Variants in LOC128125817 observed in about 807,000 individuals in gnomAD.
the LOC128125817 span, among the ~76,000 whole-genome samples, chr1:41,625,963 T>C: frequency 0.43 from 66,079 of 152,118 alleles, 14,904 homozygotes; most frequent in Non-Finnish European, 0.5. Context: ...CTATAAAAGT[T>C]TGAAAACTGC....
At chr1:41,621,350 A>G in the LOC128125817 span, among the ~76,000 whole-genome samples, 1 of 152,200 alleles carries the variant, frequency 6.6e-6, no homozygotes, top group South Asian at 2.1e-4. Context: ...CTCACAGGAT[A>G]AAGTCTAAGC....
At chr1:41,597,802 A>G in the LOC128125817 span, among the ~76,000 whole-genome samples, 2 of 152,202 alleles carry the variant, frequency 1.3e-5, no homozygotes, top group Non-Finnish European at 2.9e-5. Context: ...CTGGAAAAGT[A>G]TCGACAGTGT....
At chr1:41,626,375 G>T in the LOC128125817 span, among the ~76,000 whole-genome samples, 1 of 152,222 alleles carries the variant, frequency 6.6e-6, no homozygotes, top group African/African-American at 2.4e-5. Context: ...ACAGGCAGAG[G>T]CAGGAGCCAG....
the LOC128125817 span, among the ~76,000 whole-genome samples, chr1:41,607,683 T>C: frequency 2.6e-5 from 4 of 152,346 alleles, no homozygotes; most frequent in African/African-American, 9.6e-5. Flanking sequence ...CCAATATATT[T>C]ATGAATGAGG....
the LOC128125817 span, among the ~76,000 whole-genome samples, chr1:41,600,877 G>A: frequency 6.6e-6 from 1 of 152,020 alleles, no homozygotes; most frequent in Non-Finnish European, 1.5e-5. Context: ...TTACATCCAA[G>A]TCTTTAATCC....
chr1:41,618,322 A>G, the LOC128125817 span, among the ~76,000 whole-genome samples: 21 of 152,230 alleles, frequency 1.4e-4, no homozygotes, highest in Non-Finnish European at 2.6e-4. Context: ...CCAGGCCAGG[A>G]GCCAAGCCTT....
chr1:41,598,992 C>A, the LOC128125817 span, among the ~76,000 whole-genome samples: 2 of 151,712 alleles, frequency 1.3e-5, no homozygotes, highest in Non-Finnish European at 2.9e-5. Flanking sequence ...ATTTTTATAT[C>A]TTTTTTTAGA....
At chr1:41,622,393 G>C in the LOC128125817 span, among the ~76,000 whole-genome samples, 9 of 152,188 alleles carry the variant, frequency 5.9e-5, no homozygotes, top group South Asian at 2.1e-4. Context: ...GAGCAGGGGT[G>C]GGGGAGGAAG....
chr1:41,608,917 CAA>C, the LOC128125817 span, among the ~76,000 whole-genome samples: 224 of 123,494 alleles, frequency 1.8e-3, no homozygotes, highest in African/African-American at 6.0e-3. Flanking sequence ...CTAAAAATAC[CAA>C]AAAAAAAAAA....
At chr1:41,600,453 C>A in the LOC128125817 span, among the ~76,000 whole-genome samples, 4 of 152,092 alleles carry the variant, frequency 2.6e-5, no homozygotes, top group Non-Finnish European at 5.9e-5. Flanking sequence ...GATAAGCCAG[C>A]CACAAATGAA....
chr1:41,622,730 G>A, the LOC128125817 span, among the ~76,000 whole-genome samples: 174 of 152,310 alleles, frequency 1.1e-3, no homozygotes, highest in African/African-American at 4.1e-3. Context: ...TGTGTTTCAC[G>A]TTTCTATCAC....
At chr1:41,605,375 G>GCACACACA in the LOC128125817 span, among the ~76,000 whole-genome samples, 2 of 126,620 alleles carry the variant, frequency 1.6e-5, no homozygotes, top group African/African-American at 6.0e-5. Flanking sequence ...ACGCACACGC[G>GCACACACA]CACACACACA....
chr1:41,610,905 C>T, the LOC128125817 span, among the ~76,000 whole-genome samples: 1 of 152,188 alleles, frequency 6.6e-6, no homozygotes, highest in African/African-American at 2.4e-5. Flanking sequence ...TGAGACCCCC[C>T]AAGCTCCCAC....
At chr1:41,613,518 T>A in the LOC128125817 span, among the ~76,000 whole-genome samples, 1 of 152,238 alleles carries the variant, frequency 6.6e-6, no homozygotes, top group African/African-American at 2.4e-5. Flanking sequence ...AATAAATGAA[T>A]GAACAAAGTT....
At chr1:41,609,960 AAT>A in the LOC128125817 span, among the ~76,000 whole-genome samples, 4 of 152,234 alleles carry the variant, frequency 2.6e-5, no homozygotes, top group African/African-American at 9.7e-5. Context: ...CGCTTTCCAC[AAT>A]ATGAGTGAGC....
chr1:41,597,128 C>T, the LOC128125817 span, among the ~76,000 whole-genome samples: 1 of 152,238 alleles, frequency 6.6e-6, no homozygotes, highest in South Asian at 2.1e-4. Context: ...TTTCTGCACA[C>T]TGGTCAAAAA....
At chr1:41,586,680 C>T in the LOC128125817 span, among the ~76,000 whole-genome samples, 2 of 152,230 alleles carry the variant, frequency 1.3e-5, no homozygotes, top group Admixed American at 1.3e-4. Context: ...ACGAACAAGT[C>T]TTTAAGACTC....
chr1:41,603,259 G>C, the LOC128125817 span, among the ~76,000 whole-genome samples: 1 of 152,036 alleles, frequency 6.6e-6, no homozygotes, highest in Admixed American at 6.5e-5. Context: ...GTAGCGATGT[G>C]GTTTCACCAT....
At chr1:41,587,614 T>A in the LOC128125817 span, among the ~76,000 whole-genome samples, 1 of 152,268 alleles carries the variant, frequency 6.6e-6, no homozygotes, top group African/African-American at 2.4e-5. Context: ...TACATACTTT[T>A]GATCTCTTCT....
Sources: allele counts gnomAD v4.1 joint callset (sites outside exome capture counted in the v4.1 genomes callset), GRCh38; gene constraint gnomAD v4.1.1; transcripts MANE v1.5.